The following ZNF385B variants were observed in gnomAD, a reference collection of about 807,000 sequenced individuals.
ZNF385B encodes the protein zinc finger protein 533.
A neutral mutation model predicts 39.2 loss-of-function variants in ZNF385B; 23 were observed. That is an observed-to-expected ratio of 0.59 (90% CI 0.42 to 0.83). The LOEUF (loss-of-function observed/expected upper bound fraction) is 0.83, where lower values mean the gene tolerates loss of function less well. Among genes scored for constraint, ZNF385B ranks in the 40% least tolerant of loss-of-function variants. The probability of loss-of-function intolerance (pLI) is 0.00; values close to 1 mark genes in which losing one functional copy is unlikely to be tolerated. For synonymous variants in ZNF385B, 205 were observed against 222.6 expected, an observed-to-expected ratio of 0.92 and a Z score of 0.70; for missense variants, 552 against 598.9, an observed-to-expected ratio of 0.92 and a Z score of 0.82.
chr2:179,667,027 A>C (rs907580440), intron 3 of ZNF385B, among the ~76,000 whole-genome samples: 9 of 152,212 alleles, frequency 5.9e-5, no homozygotes, highest in African/African-American at 1.7e-4. Flanking sequence ...AACTTGCATA[A>C]TAAAATATGT....
At chr2:179,451,152 A>G (rs1489197801) in intron 6 of ZNF385B, among the ~76,000 whole-genome samples, 1 of 151,248 alleles carries the variant, frequency 6.6e-6, no homozygotes, top group Non-Finnish European at 1.5e-5. Flanking sequence ...CTAATGTTAA[A>G]TGACGAGTTA....
intron 5 of ZNF385B, among the ~76,000 whole-genome samples, chr2:179,501,439 C>A (rs2056752046): frequency 6.6e-6 from 1 of 152,088 alleles, no homozygotes; most frequent in East Asian, 1.9e-4. Context: ...TCATTTGCAA[C>A]AACATGGATG....
Position 179,563,865 on chromosome 2 carries a change from T to C in ZNF385B, c.299-18896A>G, listed in dbSNP as rs183787904. Among the ~76,000 whole-genome samples the C allele has an allele frequency of 1.3e-3, 192 of 152,296 alleles. 1 individual carries two copies. The Middle Eastern group carries it at 0.021, about 16-fold the overall frequency. On this transcript the variant is annotated intron_variant, in intron 3 of 9. Transcript: ENST00000410066. ...CTCTGCTCTGTAGAGATTATGTTGA[T>C]GGCCTCTTCAAAATATTTTTCTTTC...
chr2:179,788,855 G>A (rs1364141002), intron 1 of ZNF385B, among the ~76,000 whole-genome samples: 3 of 152,104 alleles, frequency 2.0e-5, no homozygotes, highest in African/African-American at 7.2e-5. Flanking sequence ...TCATCACCCC[G>A]CTGCAAGTTG....
intron 3 of ZNF385B, among the ~76,000 whole-genome samples, chr2:179,627,786 T>A (rs1166327899): frequency 6.7e-6 from 1 of 149,364 alleles, no homozygotes; most frequent in Admixed American, 6.8e-5. Flanking sequence ...ATGTCAAAAT[T>A]GGGTGTTTCT....
chr2:179,757,655 G>C (rs1703126649), intron 3 of ZNF385B, among the ~76,000 whole-genome samples: 1 of 152,190 alleles, frequency 6.6e-6, no homozygotes, highest in Non-Finnish European at 1.5e-5. Context: ...TTAAGCCTCA[G>C]CATTGGAAGG....
Position 179,760,223 on chromosome 2 carries a change from CGTGTGTGTGTGT to C in ZNF385B, c.298+9268_298+9279del, listed in dbSNP as rs1553525685. Among the ~76,000 whole-genome samples the C allele has an allele frequency of 3.3e-4, 47 of 144,548 alleles. No homozygotes were observed. In the South Asian group the frequency reaches 0.011, roughly 32 times the overall value. 94.8% of individuals were successfully genotyped at this position (144,548 alleles called of 152,430 possible). On this transcript the variant is annotated intron_variant, in intron 3 of 9. Coordinates refer to ENST00000410066, the MANE Select transcript of ZNF385B (RefSeq NM_152520.6). Reference sequence around the variant, plus strand: ...CCAGTATTACCTGGATTCCTGTGTGCGTGTGTGTGTGTGTGTGTGTGTGTGTGTGTGTGTATG... The same window carrying C: ...CCAGTATTACCTGGATTCCTGTGTGCGTGTGTGTGTGTGTGTGTGTGTATG...
intron 5 of ZNF385B, among the ~76,000 whole-genome samples, chr2:179,493,492 CGT>C (rs1491501507): frequency 1.0e-4 from 15 of 149,544 alleles, no homozygotes; most frequent in African/African-American, 3.4e-4. Context: ...TATGTATAAA[CGT>C]GTGTGTACAT....
intron 3 of ZNF385B, among the ~76,000 whole-genome samples, chr2:179,675,129 A>T (rs1309369450): frequency 6.6e-6 from 1 of 152,236 alleles, no homozygotes; most frequent in Non-Finnish European, 1.5e-5. Flanking sequence ...CATTTGGTTA[A>T]CAAATATTTT....
At chr2:179,657,352 T>C (rs1307735780) in intron 3 of ZNF385B, among the ~76,000 whole-genome samples, 1 of 152,224 alleles carries the variant, frequency 6.6e-6, no homozygotes, top group Non-Finnish European at 1.5e-5. Context: ...TGTTCCCAAC[T>C]GCTATGTGGC....
At chr2:179,536,102 T>C (rs1553601916) in intron 4 of ZNF385B, among the ~76,000 whole-genome samples, 8 of 152,238 alleles carry the variant, frequency 5.3e-5, no homozygotes, top group Non-Finnish European at 4.4e-5. Flanking sequence ...GCTACTTTTT[T>C]GTATTTATTA....
At chr2:179,527,230 T>C (rs1415965543) in intron 4 of ZNF385B, among the ~76,000 whole-genome samples, 2 of 152,238 alleles carry the variant, frequency 1.3e-5, no homozygotes, top group Non-Finnish European at 2.9e-5. Context: ...TGGCAGTATA[T>C]ATTCCCGATA....
At chr2:179,637,386 A>G (rs1167611358) in intron 3 of ZNF385B, 1 of 152,022 alleles carries the variant, frequency 6.6e-6, no homozygotes, top group Non-Finnish European at 1.5e-5. Context: ...GAACAAGGTC[A>G]TTCTCAATGC....
intron 5 of ZNF385B, among the ~76,000 whole-genome samples, chr2:179,498,230 A>C (rs1242386797): frequency 6.6e-6 from 1 of 152,076 alleles, no homozygotes; most frequent in Non-Finnish European, 1.5e-5. Context: ...TTACAGAACA[A>C]TTAATCTAAT....
chr2:179,521,285 C>G (rs537494555), intron 4 of ZNF385B, among the ~76,000 whole-genome samples: 51 of 150,082 alleles, frequency 3.4e-4, no homozygotes, highest in Admixed American at 2.6e-4. Flanking sequence ...TTCCTGAGTT[C>G]AAGCAATTCT....
At chr2:179,739,600 T>C (rs17773184) in intron 3 of ZNF385B, among the ~76,000 whole-genome samples, 13,907 of 152,276 alleles carry the variant, frequency 0.091, 709 homozygotes, top group Non-Finnish European at 0.11. Flanking sequence ...AGACGGAGTT[T>C]AGCTTTACTG....
At position 179,476,763 on chromosome 2, in the gene ZNF385B, T is replaced by C. The variant is rs549363011; in HGVS notation, c.715+6509A>G. On this transcript the variant is annotated intron_variant, in intron 6 of 9. Transcript: ENST00000410066. Reference sequence around the variant, plus strand: ...TTTAAGTTGACCTTGAAAGTCATAATGATATATGTGTATTTCATGAAAATA... The same window carrying C: ...TTTAAGTTGACCTTGAAAGTCATAACGATATATGTGTATTTCATGAAAATA... Among the ~76,000 whole-genome samples, 4 of 152,306 alleles carry C rather than the reference T, an allele frequency of 2.6e-5. No individual in the cohort carries two copies. In the South Asian group the frequency reaches 6.2e-4, roughly 24 times the overall value.
intron 3 of ZNF385B, among the ~76,000 whole-genome samples, chr2:179,594,426 T>A (rs958881712): frequency 1.3e-5 from 2 of 152,198 alleles, no homozygotes; most frequent in East Asian, 3.8e-4. Context: ...ATATACCTAC[T>A]TTTTTGCGTA....
intron 3 of ZNF385B, among the ~76,000 whole-genome samples, chr2:179,729,140 A>AAAAC (rs1553518645): frequency 6.7e-6 from 1 of 149,954 alleles, no homozygotes; most frequent in Non-Finnish European, 1.5e-5. Flanking sequence ...AAAAAAAAAA[A>AAAAC]AAAAAAACCA....
Sources: gnomAD v4.1 joint callset for allele counts (sites outside exome capture counted in the v4.1 genomes callset) on GRCh38, gnomAD v4.1.1 for gene constraint, MANE v1.5 for transcripts, NCBI Gene and HGNC (gene_info 2026-07-23, HGNC 2026-07-21) for gene names.